FAM81B: variants seen among roughly 807,000 people sequenced by gnomAD.
FAM81B encodes protein FAM81B.
Under a neutral mutation model 58.7 loss-of-function variants are expected in FAM81B, and 60 were observed. The ratio of observed to expected loss-of-function variants is 1.02; its 90% CI spans 0.83 to 1.27. The LOEUF is 1.27. Ranked by LOEUF, FAM81B falls within the 50% of genes most tolerant of loss-of-function variation. FAM81B has a pLI of 0.00. For missense variants in FAM81B, 491 were observed against 522.0 expected, an observed-to-expected ratio of 0.94 and a Z score of 0.58; for synonymous variants, 189 against 179.6, an observed-to-expected ratio of 1.05 and a Z score of -0.42.
chr5:95,430,305 G>A (rs1166493275), intron 6 of FAM81B, among the ~76,000 whole-genome samples: 1 of 151,416 alleles, frequency 6.6e-6, no homozygotes, highest in East Asian at 1.9e-4. Flanking sequence ...AATTGTGGAT[G>A]CATTCAGTAT....
intron 3 of FAM81B, chr5:95,406,143 C>G (rs1176994370): frequency 5.2e-5 from 8 of 154,334 alleles, no homozygotes; most frequent in African/African-American, 1.9e-4. Flanking sequence ...ATCTCTTGTC[C>G]CAGGCCAACG....
intron 7 of FAM81B, among the ~76,000 whole-genome samples, chr5:95,441,501 G>A (rs1745346318): frequency 6.6e-6 from 1 of 151,996 alleles, no homozygotes; most frequent in Non-Finnish European, 1.5e-5. Context: ...CCCGGGAGGT[G>A]GAGGTTGCAG....
intron 7 of FAM81B, among the ~76,000 whole-genome samples, chr5:95,439,790 C>CT (rs1171708562): frequency 1.3e-5 from 2 of 151,952 alleles, no homozygotes; most frequent in African/African-American, 2.4e-5. Context: ...ATAGAATTCA[C>CT]TTTTTTTAAA....
chr5:95,421,606 T>C (rs66569333), intron 5 of FAM81B, among the ~76,000 whole-genome samples: 40,572 of 151,404 alleles, frequency 0.27, 5,949 homozygotes, highest in East Asian at 0.57. Context: ...TAAATGACCA[T>C]GGGGGGATTT....
intron 5 of FAM81B, among the ~76,000 whole-genome samples, chr5:95,423,087 T>A (rs1409995145): frequency 6.6e-6 from 1 of 152,214 alleles, no homozygotes; most frequent in Non-Finnish European, 1.5e-5. Flanking sequence ...TAAGGCAGAT[T>A]GATTACTGTC....
chr5:95,392,108 C>T (rs188465217), intron 1 of FAM81B, among the ~76,000 whole-genome samples: 17 of 152,246 alleles, frequency 1.1e-4, no homozygotes, highest in Admixed American at 3.3e-4. Context: ...AACCCAAATG[C>T]CCATCAATGA....
intron 7 of FAM81B, 67 bp downstream of exon 7, chr5:95,436,973 T>A: frequency 8.1e-7 from 1 of 1,230,646 alleles, no homozygotes; most frequent in Non-Finnish European, 1.2e-6. Flanking sequence ...ATGAAAGCAT[T>A]GGCATGAAAT....
intron 5 of FAM81B, among the ~76,000 whole-genome samples, chr5:95,427,392 T>C (rs1057050543): frequency 6.6e-6 from 1 of 152,216 alleles, no homozygotes; most frequent in African/African-American, 2.4e-5. Flanking sequence ...GCTCCCATTC[T>C]TGATCAGACT....
At position 95,427,036 on chromosome 5, in the gene FAM81B, A is replaced by G. The variant is rs187105816; in HGVS notation, c.657-1567A>G. 6.7e-4 allele frequency among the ~76,000 whole-genome samples: 101 copies of G among 151,296 alleles called. 1 individual carries two copies. Among genetic ancestry groups the G allele is most frequent in the South Asian group, 1.9e-3 (9 of 4,812 alleles). On this transcript the variant is annotated intron_variant, in intron 5 of 9. Coordinates refer to ENST00000283357, the MANE Select transcript of FAM81B (RefSeq NM_152548.3). Reference sequence around the variant, plus strand: ...TGCACTCCAGCCTGGGCGATAGAGCAAGACTCCGTCTCAAAAAAAAGAAAA... The same window carrying G: ...TGCACTCCAGCCTGGGCGATAGAGCGAGACTCCGTCTCAAAAAAAAGAAAA...
chr5:95,448,521 C>G, intron 9 of FAM81B, 57 bp downstream of exon 9: 2 of 1,482,994 alleles, frequency 1.3e-6, no homozygotes, highest in Non-Finnish European at 1.8e-6. Context: ...TTCAATCCCT[C>G]AGTCTTCCAC....
At chr5:95,400,429 TACATAC>T (rs767680487) in intron 3 of FAM81B, among the ~76,000 whole-genome samples, 2,259 of 97,994 alleles carry the variant, frequency 0.023, 30 homozygotes, top group African/African-American at 0.055. Flanking sequence ...CATACATACA[TACATAC>T]ACACACACAC....
chr5:95,448,026 G>C (rs1198132498), intron 8 of FAM81B, among the ~76,000 whole-genome samples: 1 of 152,102 alleles, frequency 6.6e-6, no homozygotes, highest in African/African-American at 2.4e-5. Context: ...AAATTCTCAA[G>C]GCATTTGGGC....
intron 5 of FAM81B, among the ~76,000 whole-genome samples, chr5:95,427,223 A>G (rs1582814195): frequency 6.6e-6 from 1 of 152,308 alleles, no homozygotes; most frequent in East Asian, 1.9e-4. Flanking sequence ...AAGTGGTGGT[A>G]GCAGCAGCCA....
intron 5 of FAM81B, among the ~76,000 whole-genome samples, chr5:95,423,450 A>G (rs1305608586): frequency 6.6e-6 from 1 of 151,082 alleles, no homozygotes; most frequent in Non-Finnish European, 1.5e-5. Context: ...GGGCACCCCT[A>G]GGGATGGATA....
chr5:95,424,191 G>A (rs1308216570), intron 5 of FAM81B: 1 of 1,289,766 alleles, frequency 7.8e-7, no homozygotes, highest in South Asian at 1.2e-5. Context: ...TCCTCTGCAG[G>A]TAGCAGAAAC....
intron 3 of FAM81B, among the ~76,000 whole-genome samples, chr5:95,404,582 G>T (rs963617968): frequency 6.6e-6 from 1 of 151,800 alleles, no homozygotes. Context: ...ATGTCTTGAG[G>T]CTCCAACAAG....
intron 2 of FAM81B, among the ~76,000 whole-genome samples, chr5:95,394,173 C>A (rs2152759650): frequency 6.6e-6 from 1 of 152,232 alleles, no homozygotes; most frequent in East Asian, 1.9e-4. Flanking sequence ...TAACATTTGT[C>A]ACTTAAATAG....
At chr5:95,401,758 C>A (rs1762120058) in intron 3 of FAM81B, among the ~76,000 whole-genome samples, 1 of 152,208 alleles carries the variant, frequency 6.6e-6, no homozygotes, top group Non-Finnish European at 1.5e-5. Context: ...TTACCAGAAT[C>A]TCCCCAGTAA....
rs567238243 is a variant in FAM81B, at chr5:95,415,640, T to C, written c.537+1450T>C. Among the ~76,000 whole-genome samples the C allele has an allele frequency of 2.0e-5, 3 of 152,286 alleles. No individual in the cohort carries two copies. In the South Asian group the frequency reaches 6.2e-4, roughly 32 times the overall value. On this transcript the variant is annotated intron_variant, in intron 4 of 9. Coordinates refer to ENST00000283357, the MANE Select transcript of FAM81B (RefSeq NM_152548.3). ...GCAGCCCTGTGCCTTTTGAAATGAC[T>C]AGAAAATCAAGTAAGTACAGCATAG...
Sources: allele counts gnomAD v4.1 joint callset (sites outside exome capture counted in the v4.1 genomes callset), GRCh38; gene constraint gnomAD v4.1.1; transcripts MANE v1.5; gene names NCBI Gene and HGNC (gene_info 2026-07-23, HGNC 2026-07-21).